The following PPFIBP2 variants were observed in gnomAD, a reference collection of about 807,000 sequenced individuals.
PPFIBP2 encodes liprin-beta-2.
A neutral mutation model predicts 118.3 loss-of-function variants in PPFIBP2; 118 were observed. The ratio of observed to expected loss-of-function variants is 1.00; its 90% CI spans 0.86 to 1.16. The LOEUF is 1.16. PPFIBP2 is among the 50% of genes most tolerant of loss of function. The pLI is 0.00. For synonymous variants in PPFIBP2, 414 were observed against 397.4 expected, an observed-to-expected ratio of 1.04 and a Z score of -0.50; for missense variants, 1,195 against 1,073.1, an observed-to-expected ratio of 1.11 and a Z score of -1.59.
chr11:7,534,639 G>A (rs1851043424), intron 1 of PPFIBP2, among the ~76,000 whole-genome samples: 3 of 152,178 alleles, frequency 2.0e-5, no homozygotes, highest in Admixed American at 2.0e-4. Flanking sequence ...TCTGCTGTGG[G>A]GGCAGGTGTG....
intron 10 of PPFIBP2, 25 bp from the exon 11 acceptor site, chr11:7,630,900 A>C: frequency 6.5e-7 from 1 of 1,536,712 alleles, no homozygotes. Context: ...TCAACAATTC[A>C]GTCTTACTAC....
In PPFIBP2 at chr11:7,554,380, C is replaced by G. The variant is rs576806202; in HGVS notation, c.64+4841C>G. On this transcript the variant is annotated intron_variant, in intron 2 of 23. Transcript: ENST00000299492. ...CTATGTAACAAGGAATTGCCTCTTA[C>G]TAATTACAGTAGGCTGGGTTACTGT... Among the ~76,000 whole-genome samples, 38 of 152,290 alleles carry G rather than the reference C, an allele frequency of 2.5e-4. No homozygotes were observed. In the East Asian group the frequency reaches 7.1e-3, roughly 29 times the overall value.
the PPFIBP2 span, among the ~76,000 whole-genome samples, chr11:7,663,583 A>T: frequency 1.3e-5 from 2 of 152,206 alleles, no homozygotes; most frequent in East Asian, 3.9e-4. Flanking sequence ...AGTCTGTAGA[A>T]GTTACTTCTG....
At chr11:7,529,948 T>C (rs556613246) in intron 1 of PPFIBP2, among the ~76,000 whole-genome samples, 1 of 152,338 alleles carries the variant, frequency 6.6e-6, no homozygotes, top group Non-Finnish European at 1.5e-5. Flanking sequence ...ACCTGGAGCA[T>C]GTGTGCTGTT....
intron 1 of PPFIBP2, among the ~76,000 whole-genome samples, chr11:7,527,465 G>A (rs1850331260): frequency 1.3e-5 from 2 of 152,072 alleles, no homozygotes; most frequent in African/African-American, 4.8e-5. Flanking sequence ...GTAGGATTGT[G>A]ACAGTATTTA....
intron 3 of PPFIBP2, among the ~76,000 whole-genome samples, chr11:7,570,396 G>C (rs10769808): frequency 0.32 from 48,419 of 152,106 alleles, 9,035 homozygotes; most frequent in African/African-American, 0.52. Context: ...AGTATGTTAT[G>C]TACACCCTTC....
intron 4 of PPFIBP2, among the ~76,000 whole-genome samples, chr11:7,594,907 A>G (rs1859992008): frequency 7.5e-6 from 1 of 133,140 alleles, no homozygotes; most frequent in Admixed American, 8.4e-5. Flanking sequence ...ACAGAGCGAG[A>G]CTCCATCTCA....
Position 7,651,705 on chromosome 11 carries a change from TC to T in PPFIBP2, c.2303del (p.Pro768HisfsTer10). 1 of 1,612,956 alleles carries T rather than the reference TC, an allele frequency of 6.2e-7. No homozygotes were observed. The highest frequency in any genetic ancestry group is 8.5e-7 in the Non-Finnish European group (1 of 1,179,318). The part of the protein sequence containing the change: ...TGDTLAMLLN[I>X]PPQKTLLRRH... The stretch of plus-strand genomic sequence containing the variant: ...GACACCCTGGCTATGCTTCTCAACA[TC>T]CCCCCACAAAAGACGCTCCTCAGGC... On this transcript the variant is annotated frameshift_variant, in exon 23 of 24. Transcript: ENST00000299492. LOFTEE classifies it high-confidence loss of function.
At chr11:7,632,757 C>T (rs1850941466) in intron 11 of PPFIBP2, 110 bp from the exon 12 acceptor site, 1 of 813,424 alleles carries the variant, frequency 1.2e-6, no homozygotes, top group Admixed American at 2.0e-5. Context: ...CATGGCTGCA[C>T]CCAGGGAGGA....
rs1386727994 is a variant in PPFIBP2 at position 7,610,519 on chromosome 11, G to C, written c.618+97G>C. On this transcript the variant is annotated intron_variant, in intron 6 of 23. Transcript: ENST00000299492. ...GTCAACTCCCAGCCTGGAAGCTATT[G>C]GGTGCCAGAAATATCTATACACTAG... 6 of 1,514,122 alleles carry C rather than the reference G, an allele frequency of 4.0e-6. No homozygotes were observed. In the African/African-American group the frequency reaches 8.2e-5, roughly 21 times the overall value. 93.8% of individuals were successfully genotyped at this position (1,514,122 alleles called of 1,614,324 possible).
intron 7 of PPFIBP2, among the ~76,000 whole-genome samples, chr11:7,624,805 T>C (rs972465379): frequency 5.3e-5 from 8 of 152,226 alleles, no homozygotes; most frequent in African/African-American, 1.9e-4. Flanking sequence ...TTAAACCTAA[T>C]TGCAGTCCCA....
intron 8 of PPFIBP2, among the ~76,000 whole-genome samples, chr11:7,628,067 A>G (rs1336761927): frequency 2.6e-5 from 4 of 152,310 alleles, no homozygotes; most frequent in South Asian, 4.1e-4. Flanking sequence ...ATAAATGTCT[A>G]TAAAGAGAAG....
At chr11:7,547,624 C>T (rs951840057) in intron 1 of PPFIBP2, among the ~76,000 whole-genome samples, 5 of 152,184 alleles carry the variant, frequency 3.3e-5, no homozygotes, top group Non-Finnish European at 7.3e-5. Flanking sequence ...ACACCGTATT[C>T]GCTCTGTAGC....
intron 17 of PPFIBP2, among the ~76,000 whole-genome samples, chr11:7,643,366 G>A (rs1285831890): frequency 6.6e-6 from 1 of 152,154 alleles, no homozygotes; most frequent in African/African-American, 2.4e-5. Context: ...ACTTTCCTAA[G>A]ACCCCTCAGC....
chr11:7,576,646 C>G (rs1006072489), intron 3 of PPFIBP2: 1 of 152,502 alleles, frequency 6.6e-6, no homozygotes, highest in Non-Finnish European at 1.5e-5. Context: ...GAGTGGGGGA[C>G]AGCCAGAGAG....
downstream of PPFIBP2, among the ~76,000 whole-genome samples, chr11:7,656,529 G>C (rs2136078022): frequency 6.6e-6 from 1 of 152,334 alleles, no homozygotes; most frequent in South Asian, 2.1e-4. Flanking sequence ...TTATTTCTAA[G>C]ATGAACAATT....
intron 1 of PPFIBP2, among the ~76,000 whole-genome samples, chr11:7,521,934 G>A (rs762039904): frequency 6.6e-6 from 1 of 152,222 alleles, no homozygotes; most frequent in South Asian, 2.1e-4. Context: ...GAGAGGTGAA[G>A]ATGGAGTCCC....
At chr11:7,535,251 A>T (rs573970646) in intron 1 of PPFIBP2, among the ~76,000 whole-genome samples, 1 of 152,244 alleles carries the variant, frequency 6.6e-6, no homozygotes, top group South Asian at 2.1e-4. Context: ...GGATGCTGTC[A>T]TAGAGAAAAC....
At chr11:7,577,412 T>C (rs1297587142) in intron 3 of PPFIBP2, 1 of 377,726 alleles carries the variant, frequency 2.6e-6, no homozygotes, top group Non-Finnish European at 5.3e-6. Context: ...TCGCTGTGTG[T>C]CTGAAACTGT....
Sources: allele counts gnomAD v4.1 joint callset (sites outside exome capture counted in the v4.1 genomes callset), GRCh38; gene constraint gnomAD v4.1.1; transcripts MANE v1.5; gene names NCBI Gene and HGNC (gene_info 2026-07-23, HGNC 2026-07-21).